The following HLCS variants were observed in gnomAD, a reference collection of about 807,000 sequenced individuals.
HLCS encodes biotin--protein ligase.
Under a neutral mutation model 75.0 loss-of-function variants are expected in HLCS, and 53 were observed. The ratio of observed to expected loss-of-function variants is 0.71; its 90% CI spans 0.57 to 0.89. The LOEUF is 0.89. Among genes scored for constraint, HLCS ranks in the 40% least tolerant of loss-of-function variants. The pLI is 0.00. For missense variants in HLCS, 966 were observed against 1,074.0 expected (o/e 0.90, Z 1.41); for synonymous variants, 431 against 428.6 (o/e 1.01, Z -0.07).
At chr21:36,825,775 G>A (rs530209760) in intron 6 of HLCS, among the ~76,000 whole-genome samples, 2 of 152,288 alleles carry the variant, frequency 1.3e-5, no homozygotes, top group East Asian at 3.9e-4. Flanking sequence ...ACAGCTTCTA[G>A]ACAATAAGCA....
chr21:36,898,526 G>T (rs59306981), intron 5 of HLCS, among the ~76,000 whole-genome samples: 1 of 151,086 alleles, frequency 6.6e-6, no homozygotes, highest in East Asian at 1.9e-4. Flanking sequence ...CAGAACAGCC[G>T]GGCTGGAATC....
Position 36,753,922 on chromosome 21 carries a change from T to C in HLCS, c.*324A>G. 2 of 418,540 alleles carry C rather than the reference T, an allele frequency of 4.8e-6. No homozygotes were observed. Among genetic ancestry groups the C allele is most frequent in the South Asian group, 2.2e-5 (1 of 45,666 alleles). 25.9% of individuals were successfully genotyped at this position (418,540 alleles called of 1,614,324 possible). A position where few individuals can be genotyped will look rare whatever the true frequency, so the allele number is the denominator to read the frequency against. ...AAAGGTCTGCACTACTAAGAAAATA[T>C]CTGAATTTTCCCATTGTCATTTCCA... On this transcript the variant is annotated 3_prime_UTR_variant, in exon 11 of 11. Coordinates refer to ENST00000674895, the MANE Select transcript of HLCS (RefSeq NM_001352514.2). The surrounding 1 kb of genome is among the most constrained non-coding windows in gnomAD (Gnocchi z 4.3).
At chr21:36,852,488 A>G (rs2063045300) in intron 6 of HLCS, among the ~76,000 whole-genome samples, 1 of 152,184 alleles carries the variant, frequency 6.6e-6, no homozygotes, top group African/African-American at 2.4e-5. Context: ...TCAGCAGCCA[A>G]CAAACACCCC....
chr21:36,783,477 T>C (rs1004960654), intron 6 of HLCS, among the ~76,000 whole-genome samples: 1 of 152,150 alleles, frequency 6.6e-6, no homozygotes, highest in East Asian at 1.9e-4. Context: ...AGCATCGCAT[T>C]ATTTTGATAT....
intron 6 of HLCS, among the ~76,000 whole-genome samples, chr21:36,787,421 G>T (rs1347550258): frequency 6.6e-6 from 1 of 152,206 alleles, no homozygotes; most frequent in Non-Finnish European, 1.5e-5. Flanking sequence ...ACCCGCAGGG[G>T]TCACCTGCCT....
chr21:36,810,415 A>G (rs1030466445), intron 6 of HLCS, among the ~76,000 whole-genome samples: 2 of 152,042 alleles, frequency 1.3e-5, no homozygotes, highest in Non-Finnish European at 2.9e-5. Flanking sequence ...GAATTTGGGG[A>G]TCCCCTCTCC....
chr21:36,771,442 C>G (rs2060205076), intron 6 of HLCS, among the ~76,000 whole-genome samples: 1 of 152,048 alleles, frequency 6.6e-6, no homozygotes, highest in Non-Finnish European at 1.5e-5. Context: ...AGAATTGAAG[C>G]CTGAGGAGGA....
At position 36,936,641 on chromosome 21, in the gene HLCS, C is replaced by T; in HGVS notation, c.1245G>A (p.Gln415=). 6.2e-7 allele frequency: 1 copy of T among 1,614,234 alleles called. No homozygotes were observed. Among genetic ancestry groups the T allele is most frequent in the African/African-American group, 1.3e-5 (1 of 75,064 alleles). Residue 415 remains glutamine (Q), a synonymous_variant, in exon 4 of 11, where the codon CAG becomes CAA. Transcript: ENST00000674895. ...GGTCAGCCTTGGAGAAAACCAAGTT[C>T]TGGACTGTCTTGTGCAGTGCACCCT... ...TSKGALHKTV[Q]NLVFSKADQS...
intron 6 of HLCS, among the ~76,000 whole-genome samples, chr21:36,792,496 G>A (rs2060899259): frequency 6.7e-6 from 1 of 149,480 alleles, no homozygotes; most frequent in Non-Finnish European, 1.5e-5. Context: ...GGGATGGAAG[G>A]GAAGGGAGCG....
intron 6 of HLCS, among the ~76,000 whole-genome samples, chr21:36,774,125 A>T (rs2060287822): frequency 1.3e-5 from 2 of 152,172 alleles, no homozygotes; most frequent in Non-Finnish European, 2.9e-5. Context: ...TGTGCAACGC[A>T]TGGGGACACA....
intron 6 of HLCS, among the ~76,000 whole-genome samples, chr21:36,879,335 A>G (rs1290870296): frequency 6.6e-6 from 1 of 152,250 alleles, no homozygotes; most frequent in Non-Finnish European, 1.5e-5. Flanking sequence ...ATAATAGGAA[A>G]TCACCAGCAA....
intron 2 of HLCS, among the ~76,000 whole-genome samples, chr21:36,950,393 A>T (rs576917573): frequency 6.6e-6 from 1 of 152,310 alleles, no homozygotes; most frequent in African/African-American, 2.4e-5. Context: ...AGTGGAACAT[A>T]CGTGCATTGA....
chr21:36,773,990 G>A (rs1181490220), intron 6 of HLCS, among the ~76,000 whole-genome samples: 2 of 152,206 alleles, frequency 1.3e-5, no homozygotes, highest in South Asian at 4.2e-4. Flanking sequence ...TTAACAATAC[G>A]ATTGATTTTT....
chr21:36,820,828 G>C (rs2061816460), intron 6 of HLCS, among the ~76,000 whole-genome samples: 1 of 152,234 alleles, frequency 6.6e-6, no homozygotes, highest in Non-Finnish European at 1.5e-5. Flanking sequence ...ATTTCTTGGG[G>C]CTGGATAGCT....
At chr21:36,901,663 C>T (rs2065242914) in intron 5 of HLCS, among the ~76,000 whole-genome samples, 1 of 152,212 alleles carries the variant, frequency 6.6e-6, no homozygotes, top group African/African-American at 2.4e-5. Context: ...ATCTCTGTGG[C>T]CATCATCACA....
chr21:36,767,295 A>G lies in HLCS; in HGVS notation c.1893-10T>C. ...TGTCTGAAACATCAGCCTGCCGAAGAGGGGGAAAGACCGGTTAGGCCAGAC... is the reference window on the plus strand; with the variant it reads ...TGTCTGAAACATCAGCCTGCCGAAGGGGGGGAAAGACCGGTTAGGCCAGAC... On this transcript the variant is annotated splice_polypyrimidine_tract_variant and intron_variant, in intron 6 of 10. Coordinates refer to ENST00000674895, the MANE Select transcript of HLCS (RefSeq NM_001352514.2). 1 of 1,613,946 alleles carries G rather than the reference A, an allele frequency of 6.2e-7. No individual in the cohort carries two copies. The highest frequency in any genetic ancestry group is 8.5e-7 in the Non-Finnish European group (1 of 1,179,838).
chr21:36,903,984 T>C (rs952654332), intron 5 of HLCS, among the ~76,000 whole-genome samples: 1 of 152,276 alleles, frequency 6.6e-6, no homozygotes, highest in African/African-American at 2.4e-5. Flanking sequence ...CCTCTCACCA[T>C]GTGATTCCCT....
At position 36,945,470 on chromosome 21, in the gene HLCS, C is replaced by T. The variant is rs528060858; in HGVS notation, c.331-6476G>A. 8.5e-5 allele frequency among the ~76,000 whole-genome samples: 13 copies of T among 152,182 alleles called. No homozygotes were observed. The South Asian group carries it at 1.7e-3, about 19-fold the overall frequency. On this transcript the variant is annotated intron_variant, in intron 2 of 10. Transcript: ENST00000674895. ...AGCTATACAGAGGACTATTATTCAA[C>T]CATAAAAAGGAATGAGAATGAACTA...
At chr21:36,910,167 TACTC>T (rs1424113826) in intron 5 of HLCS, among the ~76,000 whole-genome samples, 1 of 152,228 alleles carries the variant, frequency 6.6e-6, no homozygotes, top group Non-Finnish European at 1.5e-5. Flanking sequence ...ACACGCAAAA[TACTC>T]ACACGCAATT....
Sources: allele counts gnomAD v4.1 joint callset (sites outside exome capture counted in the v4.1 genomes callset), GRCh38; gene constraint gnomAD v4.1.1; non-coding constraint Gnocchi (gnomAD v3.1); transcripts MANE v1.5; gene names NCBI Gene and HGNC (gene_info 2026-07-23, HGNC 2026-07-21).